PHF20L1: variants seen among roughly 807,000 people sequenced by gnomAD.
PHF20L1 encodes the protein PHD finger protein 20 like 1.
PHF20L1 carries 44 observed loss-of-function variants against 125.5 expected under a neutral mutation model. The ratio of observed to expected loss-of-function variants is 0.35; its 90% CI spans 0.28 to 0.45. The LOEUF (loss-of-function observed/expected upper bound fraction) is 0.45. Among genes scored for constraint, PHF20L1 ranks in the 20% least tolerant of loss-of-function variants. PHF20L1 has a pLI of 1.00. For missense variants in PHF20L1, 1,012 were observed against 1,217.2 expected, an observed-to-expected ratio of 0.83 and a Z score of 2.51; for synonymous variants, 380 against 403.1, an observed-to-expected ratio of 0.94 and a Z score of 0.69.
Position 132,824,063 on chromosome 8 carries a change from A to G in PHF20L1, c.1636+3A>G. On this transcript the variant is annotated splice_donor_region_variant and intron_variant, in intron 13 of 20. Coordinates refer to ENST00000395386, the MANE Select transcript of PHF20L1 (RefSeq NM_016018.5). The stretch of plus-strand genomic sequence containing the variant: ...AGACAAAAGCTCAACAGCATTTGGT[A>G]TGAACAGAAAGTAATCTTTAAGCAA... 6.3e-7 allele frequency: 1 copy of G among 1,577,656 alleles called. No homozygotes were observed. Among genetic ancestry groups the G allele is most frequent in the Non-Finnish European group, 8.7e-7 (1 of 1,149,664 alleles).
intron 2 of PHF20L1, among the ~76,000 whole-genome samples, chr8:132,789,564 C>A (rs1032173470): frequency 2.6e-5 from 4 of 152,118 alleles, no homozygotes; most frequent in Non-Finnish European, 5.9e-5. Flanking sequence ...GAATGCTCTT[C>A]ATTTCCATTA....
intron 1 of PHF20L1, among the ~76,000 whole-genome samples, chr8:132,776,374 G>A (rs1829765879): frequency 6.6e-6 from 1 of 152,118 alleles, no homozygotes; most frequent in Non-Finnish European, 1.5e-5. Flanking sequence ...ACAGACAGCA[G>A]AAAAGGTTGA....
intron 2 of PHF20L1, among the ~76,000 whole-genome samples, chr8:132,782,225 A>G (rs1463677653): frequency 6.6e-6 from 1 of 152,118 alleles, no homozygotes; most frequent in East Asian, 1.9e-4. Context: ...TATATTGGAG[A>G]CACTGTAAGC....
rs1408445680 is a variant in PHF20L1 at position 132,794,544 on chromosome 8, TAAGAA to T, written c.224_228del (p.Lys75ArgfsTer5). ...TTGCGACCCCTTGAGAGACCAGCAC[TAAGAA>T]AAGAAGGGCTAAAAGATGAGGAAGA... On this transcript the variant is annotated frameshift_variant, in exon 3 of 21. Coordinates refer to ENST00000395386, the MANE Select transcript of PHF20L1 (RefSeq NM_016018.5). LOFTEE classifies it high-confidence loss of function. The T allele has an allele frequency of 6.2e-7, 1 of 1,611,940 alleles. No individual in the cohort carries two copies. Among genetic ancestry groups the T allele is most frequent in the African/African-American group, 1.3e-5 (1 of 74,796 alleles).
intron 2 of PHF20L1, among the ~76,000 whole-genome samples, chr8:132,785,032 T>A (rs1215722941): frequency 6.6e-6 from 1 of 152,156 alleles, no homozygotes; most frequent in Non-Finnish European, 1.5e-5. Flanking sequence ...CAATTTATAA[T>A]GAGGGTAAAG....
chr8:132,825,231 G>A (rs1447848439), intron 13 of PHF20L1, 33 bp from the exon 14 acceptor site: 14 of 1,590,192 alleles, frequency 8.8e-6, no homozygotes, highest in Middle Eastern at 1.7e-4. Context: ...AGGATCAGTC[G>A]TGATTGCTAA....
Position 132,848,629 on chromosome 8 carries a change from C to T in PHF20L1, c.*2706C>T, listed in dbSNP as rs911702504. 6.6e-6 allele frequency: 1 copy of T among 152,456 alleles called. No homozygotes were observed. The highest frequency in any genetic ancestry group is 1.5e-5 in the Non-Finnish European group (1 of 67,940). 9.4% of individuals were successfully genotyped at this position (152,456 alleles called of 1,614,324 possible). On this transcript the variant is annotated 3_prime_UTR_variant, in exon 21 of 21. Transcript: ENST00000395386. ...TGTTTGTGGTTCTACTGACTTATTT[C>T]CAAACTTAAGAGTAATGTACTTCGA... is the stretch of plus-strand genomic sequence containing the variant.
At chr8:132,784,256 A>G (rs1015222289) in intron 2 of PHF20L1, among the ~76,000 whole-genome samples, 1 of 152,134 alleles carries the variant, frequency 6.6e-6, no homozygotes, top group Non-Finnish European at 1.5e-5. Context: ...TTTCTGGTTT[A>G]TAAGCTTTTT....
chr8:132,781,975 A>T (rs10104060), intron 2 of PHF20L1, among the ~76,000 whole-genome samples: 1,596 of 152,198 alleles, frequency 0.01, 27 homozygotes, highest in African/African-American at 0.036. Flanking sequence ...TTTTAAAAAC[A>T]TTTTCTTTTA....
At chr8:132,808,995 G>A (rs777514587) in intron 8 of PHF20L1, 12 of 151,626 alleles carry the variant, frequency 7.9e-5, no homozygotes, top group South Asian at 2.1e-4. Context: ...ATGAGCCACC[G>A]TGCCTAACCT....
chr8:132,779,498 T>C (rs1563773510), intron 2 of PHF20L1, among the ~76,000 whole-genome samples: 1 of 152,232 alleles, frequency 6.6e-6, no homozygotes, highest in Non-Finnish European at 1.5e-5. Context: ...TTCTTTGATA[T>C]TACTCTTAAG....
intron 13 of PHF20L1, 158 bp from the exon 14 acceptor site, chr8:132,825,106 C>T (rs533274401): frequency 5.5e-5 from 84 of 1,531,260 alleles, no homozygotes; most frequent in East Asian, 7.5e-5. Flanking sequence ...CTTATCAGGA[C>T]TTCCAGAGTC....
intron 17 of PHF20L1, chr8:132,838,197 A>T (rs1287411184): frequency 5.7e-6 from 1 of 175,758 alleles, no homozygotes; most frequent in Non-Finnish European, 1.2e-5. Context: ...GCATATATTT[A>T]TCAACAAAAT....
intron 14 of PHF20L1, chr8:132,826,467 C>T (rs2131797787): frequency 6.6e-6 from 1 of 152,182 alleles, no homozygotes; most frequent in African/African-American, 2.4e-5. Context: ...AGCAGCCCAG[C>T]TCTCCATCAA....
intron 1 of PHF20L1, among the ~76,000 whole-genome samples, chr8:132,776,379 G>T (rs1019490751): frequency 3.3e-5 from 5 of 152,158 alleles, no homozygotes; most frequent in Admixed American, 6.5e-5. Flanking sequence ...CAGCAGAAAA[G>T]GTTGATTCGA....
chr8:132,829,338 G>A (rs183950075), intron 14 of PHF20L1, among the ~76,000 whole-genome samples: 205 of 152,148 alleles, frequency 1.3e-3, no homozygotes, highest in African/African-American at 4.6e-3. Flanking sequence ...CCTTTGACAG[G>A]TTATTTAAAT....
chr8:132,781,453 G>A (rs540566329), intron 2 of PHF20L1, among the ~76,000 whole-genome samples: 2 of 151,050 alleles, frequency 1.3e-5, no homozygotes, highest in Admixed American at 1.3e-4. Context: ...TTGCTCTTTC[G>A]CCAGTCTGGA....
chr8:132,845,952 G>A lies in PHF20L1; in HGVS notation c.*29G>A, dbSNP rs372965253. On this transcript the variant is annotated 3_prime_UTR_variant, in exon 21 of 21. Coordinates refer to ENST00000395386, the MANE Select transcript of PHF20L1 (RefSeq NM_016018.5). ...CAGTGAACACTTAATGAAAGAATGTGGCTTTCTTCAGTCAAAGCATTTTTA... is the reference window on the plus strand; with the variant it reads ...CAGTGAACACTTAATGAAAGAATGTAGCTTTCTTCAGTCAAAGCATTTTTA... 1.3e-6 allele frequency: 2 copies of A among 1,579,414 alleles called. No homozygotes were observed. Among genetic ancestry groups the A allele is most frequent in the African/African-American group, 2.7e-5 (2 of 74,006 alleles).
chr8:132,828,702 G>A lies in PHF20L1; in HGVS notation c.1744+3331G>A, dbSNP rs538173659. Among the ~76,000 whole-genome samples, 25 of 152,180 alleles carry A rather than the reference G, an allele frequency of 1.6e-4. No individual in the cohort carries two copies. The South Asian group carries it at 2.1e-3, about 13-fold the overall frequency. On this transcript the variant is annotated intron_variant, in intron 14 of 20. Transcript: ENST00000395386. ...ATTTGTGTGTATGAGAAGTCACCAT[G>A]TTGGGATTTAAGAGTGTCATCTTTG...
Sources: gnomAD v4.1 joint callset for allele counts (sites outside exome capture counted in the v4.1 genomes callset) on GRCh38, gnomAD v4.1.1 for gene constraint, MANE v1.5 for transcripts, NCBI Gene and HGNC (gene_info 2026-07-23, HGNC 2026-07-21) for gene names.